Variants in GRM7 observed in about 807,000 individuals in gnomAD.
The protein encoded by GRM7 is glutamate metabotropic receptor 7.
In GRM7, 35 loss-of-function variants were observed where a neutral mutation model predicts 84.5. The ratio of observed to expected loss-of-function variants is 0.41; its 90% CI spans 0.32 to 0.55. The LOEUF is 0.55. Among genes scored for constraint, GRM7 ranks in the 20% least tolerant of loss-of-function variants. GRM7 has a pLI of 0.19. For synonymous variants in GRM7, 487 were observed against 455.1 expected (o/e 1.07, Z -0.89); for missense variants, 1,003 against 1,194.6 (o/e 0.84, Z 2.36).
chr3:7,246,310 G>A (rs141793718), intron 2 of GRM7, among the ~76,000 whole-genome samples: 356 of 152,196 alleles, frequency 2.3e-3, no homozygotes, highest in African/African-American at 8.1e-3. Flanking sequence ...ATAAGTACCC[G>A]GTGGGGAGCC....
At chr3:7,708,792 T>C (rs1303011713) in intron 9 of GRM7, among the ~76,000 whole-genome samples, 1 of 152,050 alleles carries the variant, frequency 6.6e-6, no homozygotes, top group Non-Finnish European at 1.5e-5. Flanking sequence ...GTACCTCCGA[T>C]GAGATGTGAG....
At chr3:7,354,105 A>G (rs950169993) in intron 4 of GRM7, among the ~76,000 whole-genome samples, 3 of 152,122 alleles carry the variant, frequency 2.0e-5, no homozygotes, top group Admixed American at 2.0e-4. Context: ...TTCCCTTGAG[A>G]AAAGTCCTTT....
At chr3:7,563,173 A>G (rs999808815) in intron 7 of GRM7, among the ~76,000 whole-genome samples, 2 of 152,130 alleles carry the variant, frequency 1.3e-5, no homozygotes, top group Non-Finnish European at 2.9e-5. Context: ...GCTGGTTAGA[A>G]AAGAAGATTT....
chr3:7,243,931 T>C (rs1026039559), intron 2 of GRM7, among the ~76,000 whole-genome samples: 3 of 152,044 alleles, frequency 2.0e-5, no homozygotes, highest in African/African-American at 7.2e-5. Context: ...ATGGGAAAGG[T>C]ACAGTGAAAA....
intron 8 of GRM7, 93 bp downstream of exon 8, chr3:7,579,450 T>C: frequency 2.8e-6 from 2 of 706,550 alleles, no homozygotes; most frequent in South Asian, 4.2e-5. Flanking sequence ...GTAAGAAGTT[T>C]CGTATATGCA....
intron 6 of GRM7, among the ~76,000 whole-genome samples, chr3:7,459,314 T>C (rs1457479889): frequency 6.6e-6 from 1 of 152,140 alleles, no homozygotes; most frequent in Non-Finnish European, 1.5e-5. Context: ...TTAAATTAGA[T>C]ACCAGTTAAG....
At chr3:7,134,580 G>A (rs930188390) in intron 1 of GRM7, among the ~76,000 whole-genome samples, 2 of 152,010 alleles carry the variant, frequency 1.3e-5, no homozygotes, top group African/African-American at 4.8e-5. Context: ...TCTGGATCAG[G>A]CCATATTACT....
chr3:7,679,997 C>T, intron 8 of GRM7, 52 bp from the exon 9 acceptor site: 1 of 1,579,184 alleles, frequency 6.3e-7, no homozygotes, highest in Non-Finnish European at 8.7e-7. Flanking sequence ...TGTTCAGACC[C>T]CTACTGCAGT....
chr3:7,392,458 G>T (rs1385331706), intron 4 of GRM7, among the ~76,000 whole-genome samples: 1 of 151,950 alleles, frequency 6.6e-6, no homozygotes, highest in Non-Finnish European at 1.5e-5. Context: ...TAAAATGCCT[G>T]CTGTGGCCAC....
At chr3:7,520,165 T>A (rs1167844396) in intron 7 of GRM7, 2 of 152,138 alleles carry the variant, frequency 1.3e-5, no homozygotes, top group East Asian at 3.9e-4. Flanking sequence ...AGATCTCACT[T>A]GTGGATAAAG....
intron 1 of GRM7, among the ~76,000 whole-genome samples, chr3:7,092,759 C>A (rs1271878478): frequency 6.6e-6 from 1 of 152,072 alleles, no homozygotes; most frequent in Admixed American, 6.5e-5. Context: ...GAAGGTGGAC[C>A]CTCTCCCACT....
chr3:6,927,466 A>AG (rs1559333296), intron 1 of GRM7, among the ~76,000 whole-genome samples: 4,769 of 41,668 alleles, frequency 0.11, 143 homozygotes, highest in Non-Finnish European at 0.22. Flanking sequence ...AGAGAGAGAG[A>AG]AAGAAAGAAA....
chr3:6,936,670 C>G (rs540344022), intron 1 of GRM7, among the ~76,000 whole-genome samples: 91 of 152,234 alleles, frequency 6.0e-4, no homozygotes, highest in African/African-American at 2.1e-3. Flanking sequence ...GTCTTCTAAT[C>G]TTTGTGTGTG....
intron 2 of GRM7, among the ~76,000 whole-genome samples, chr3:7,196,429 T>C (rs1294795994): frequency 6.6e-6 from 1 of 152,096 alleles, no homozygotes; most frequent in Non-Finnish European, 1.5e-5. Context: ...CACTGCATAG[T>C]TCACTGTAGA....
chr3:7,660,133 T>C (rs559878904), intron 8 of GRM7, among the ~76,000 whole-genome samples: 30 of 152,364 alleles, frequency 2.0e-4, no homozygotes, highest in African/African-American at 6.3e-4. Flanking sequence ...TTTGTCTGAA[T>C]GTATCAGCCC....
chr3:7,093,676 C>CAAAAAAAAAAAA lies in GRM7; in HGVS notation c.520-52749_520-52738dup, dbSNP rs1209938099. Among the ~76,000 whole-genome samples the CAAAAAAAAAAAA allele has an allele frequency of 2.1e-4, 3 of 13,958 alleles. 1 individual carries two copies. The highest frequency in any genetic ancestry group is 5.5e-4 in the African/African-American group (2 of 3,658). The allele number at this position is 13,958 out of a possible 152,430, so 9.2% of individuals were successfully genotyped here. On this transcript the variant is annotated intron_variant, in intron 1 of 9. Coordinates refer to ENST00000357716, the MANE Select transcript of GRM7 (RefSeq NM_000844.4). ...TGGGCGATAGAGCAAGACTCTGTCT[C>CAAAAAAAAAAAA]AAAAAAAAAAAAAAAAAAAAAAAAA...
chr3:7,137,338 A>G (rs972114743), intron 1 of GRM7, among the ~76,000 whole-genome samples: 21 of 152,244 alleles, frequency 1.4e-4, no homozygotes, highest in African/African-American at 5.1e-4. Context: ...TCTTGAAAGT[A>G]AGATCTGAAT....
chr3:7,190,665 C>T (rs1695680061), intron 2 of GRM7, among the ~76,000 whole-genome samples: 2 of 152,102 alleles, frequency 1.3e-5, no homozygotes, highest in African/African-American at 4.8e-5. Context: ...AAGCACATTA[C>T]TGTTTTGGGA....
At chr3:7,426,167 T>A (rs1696602332) in intron 5 of GRM7, among the ~76,000 whole-genome samples, 1 of 151,984 alleles carries the variant, frequency 6.6e-6, no homozygotes, top group Non-Finnish European at 1.5e-5. Flanking sequence ...TTTCCCAGGC[T>A]GGAATGCAAT....
Sources: allele counts gnomAD v4.1 joint callset (sites outside exome capture counted in the v4.1 genomes callset), GRCh38; gene constraint gnomAD v4.1.1; transcripts MANE v1.5; gene names NCBI Gene and HGNC (gene_info 2026-07-23, HGNC 2026-07-21).